Variants in PPARGC1A observed in about 807,000 individuals in gnomAD.
PPARGC1A encodes PPARG coactivator 1 alpha, also known as peroxisome proliferator-activated receptor gamma coactivator 1-alpha.
PPARGC1A carries 25 observed loss-of-function variants against 88.7 expected under a neutral mutation model. The observed-to-expected ratio is 0.28, with a 90% confidence interval of 0.21 to 0.39. The LOEUF (loss-of-function observed/expected upper bound fraction) is 0.39. PPARGC1A is among the 10% of genes least tolerant of loss of function. The pLI, the probability that PPARGC1A is intolerant of heterozygous loss-of-function variation, is 1.00. For missense variants in PPARGC1A, 880 were observed against 968.7 expected, an observed-to-expected ratio of 0.91 and a Z score of 1.22; for synonymous variants, 363 against 355.6, an observed-to-expected ratio of 1.02 and a Z score of -0.24.
At chr4:24,200,685 A>G in the PPARGC1A span, among the ~76,000 whole-genome samples, 1 of 114,892 alleles carries the variant, frequency 8.7e-6, no homozygotes, top group African/African-American at 2.9e-5. Flanking sequence ...CAGTAGAAAC[A>G]TGACAATTGT....
the PPARGC1A span, among the ~76,000 whole-genome samples, chr4:24,237,699 T>C: frequency 1.3e-5 from 2 of 152,190 alleles, no homozygotes; most frequent in Non-Finnish European, 2.9e-5. Flanking sequence ...CAACAGAGAA[T>C]GAAAACGTTT....
At chr4:24,270,909 A>C in the PPARGC1A span, among the ~76,000 whole-genome samples, 1 of 152,180 alleles carries the variant, frequency 6.6e-6, no homozygotes, top group Non-Finnish European at 1.5e-5. Context: ...GAGGAAAAAA[A>C]TCCATAAAAA....
the PPARGC1A span, among the ~76,000 whole-genome samples, chr4:23,969,908 G>A: frequency 5.6e-3 from 849 of 152,198 alleles, 41 homozygotes; most frequent in East Asian, 0.09. Flanking sequence ...CTTTTCTCCC[G>A]GGATGGGGGA....
At chr4:23,802,906 T>C (rs974507046) in intron 10 of PPARGC1A, among the ~76,000 whole-genome samples, 20 of 152,148 alleles carry the variant, frequency 1.3e-4, no homozygotes, top group African/African-American at 4.8e-4. Flanking sequence ...TTCCTATCTG[T>C]CTCTGTTCTA....
the PPARGC1A span, among the ~76,000 whole-genome samples, chr4:24,051,620 T>C: frequency 6.6e-6 from 1 of 152,326 alleles, no homozygotes; most frequent in Admixed American, 6.5e-5. Context: ...TTATCTGCTT[T>C]CTTAAATTTG....
chr4:24,104,417 A>G, the PPARGC1A span, among the ~76,000 whole-genome samples: 1 of 152,154 alleles, frequency 6.6e-6, no homozygotes, highest in East Asian at 1.9e-4. Flanking sequence ...TGACACTCCC[A>G]AGGTCCCTGT....
the PPARGC1A span, among the ~76,000 whole-genome samples, chr4:24,263,672 A>G: frequency 6.6e-6 from 1 of 152,090 alleles, no homozygotes; most frequent in South Asian, 2.1e-4. Context: ...AGTCCACCCA[A>G]TGTGAAGATG....
At chr4:24,322,031 C>A in the PPARGC1A span, among the ~76,000 whole-genome samples, 2 of 152,180 alleles carry the variant, frequency 1.3e-5, no homozygotes, top group African/African-American at 4.8e-5. Flanking sequence ...CTAATAGAAG[C>A]ATCAACCATT....
the PPARGC1A span, among the ~76,000 whole-genome samples, chr4:23,938,171 A>T: frequency 2.7e-3 from 408 of 152,176 alleles, 1 homozygote; most frequent in Middle Eastern, 0.017. Context: ...AGTAAAAAAA[A>T]TTCAGTTTCT....
the PPARGC1A span, among the ~76,000 whole-genome samples, chr4:23,968,156 A>T: frequency 3.9e-5 from 6 of 152,164 alleles, no homozygotes; most frequent in Non-Finnish European, 8.8e-5. Context: ...CATAAGCCCC[A>T]CTGTCCTCAA....
chr4:23,811,152 C>T (rs1016184902), intron 10 of PPARGC1A, among the ~76,000 whole-genome samples: 3 of 152,170 alleles, frequency 2.0e-5, no homozygotes, highest in African/African-American at 2.4e-5. Flanking sequence ...TCACTTATTT[C>T]TCCTTAAGTG....
At chr4:24,226,974 T>C in the PPARGC1A span, among the ~76,000 whole-genome samples, 1 of 152,194 alleles carries the variant, frequency 6.6e-6, no homozygotes, top group African/African-American at 2.4e-5. Flanking sequence ...AGAAAACCCC[T>C]ATCTTGGCTC....
At chr4:24,187,012 T>C in the PPARGC1A span, among the ~76,000 whole-genome samples, 1 of 152,186 alleles carries the variant, frequency 6.6e-6, no homozygotes, top group Non-Finnish European at 1.5e-5. Context: ...CTTCCTACAA[T>C]GAGTATCATG....
the PPARGC1A span, among the ~76,000 whole-genome samples, chr4:23,992,210 C>A: frequency 0.16 from 24,465 of 151,748 alleles, 2,066 homozygotes; most frequent in South Asian, 0.19. Context: ...TGCACTAGTA[C>A]AGAAGGCAGG....
the PPARGC1A span, among the ~76,000 whole-genome samples, chr4:24,334,828 G>A: frequency 1.3e-5 from 2 of 152,166 alleles, no homozygotes; most frequent in Non-Finnish European, 2.9e-5. Context: ...AGATTAGTGC[G>A]AGCATAGCCT....
intron 2 of PPARGC1A, among the ~76,000 whole-genome samples, chr4:23,847,933 C>T (rs1206327486): frequency 6.6e-6 from 1 of 151,972 alleles, no homozygotes; most frequent in Non-Finnish European, 1.5e-5. Context: ...TTTGTGTATG[C>T]CATACATGAG....
chr4:24,323,396 C>T, the PPARGC1A span, among the ~76,000 whole-genome samples: 355 of 152,266 alleles, frequency 2.3e-3, 1 homozygote, highest in African/African-American at 7.8e-3. Flanking sequence ...AGGCCCTGCC[C>T]CGCCTTAACT....
the PPARGC1A span, among the ~76,000 whole-genome samples, chr4:24,043,776 G>T: frequency 2.0e-5 from 3 of 152,068 alleles, no homozygotes; most frequent in Admixed American, 6.6e-5. Flanking sequence ...ACATAGCTAT[G>T]GTATTTGTGG....
chr4:23,841,171 T>G (rs1337257143), intron 2 of PPARGC1A, among the ~76,000 whole-genome samples: 1 of 151,890 alleles, frequency 6.6e-6, no homozygotes, highest in African/African-American at 2.4e-5. Context: ...CTTGAAAGAG[T>G]CAAGATGCTT....
Sources: gnomAD v4.1 joint callset for allele counts (sites outside exome capture counted in the v4.1 genomes callset) on GRCh38, gnomAD v4.1.1 for gene constraint, MANE v1.5 for transcripts, NCBI Gene and HGNC (gene_info 2026-07-23, HGNC 2026-07-21) for gene names.